Variants in NXPH2 observed in about 807,000 individuals in gnomAD.
The protein encoded by NXPH2 is neurexophilin-2.
Under a neutral mutation model 19.8 loss-of-function variants are expected in NXPH2, and 5 were observed. The ratio of observed to expected loss-of-function variants is 0.25; its 90% CI spans 0.13 to 0.53. The LOEUF is 0.53. Among genes scored for constraint, NXPH2 ranks in the 20% least tolerant of loss-of-function variants. The pLI, the probability that NXPH2 is intolerant of heterozygous loss-of-function variation, is 0.96. For missense variants in NXPH2, 289 were observed against 322.8 expected, an observed-to-expected ratio of 0.90 and a Z score of 0.80; for synonymous variants, 154 against 127.4, an observed-to-expected ratio of 1.21 and a Z score of -1.41.
At chr2:138,773,698 G>A (rs912894335) in intron 1 of NXPH2, among the ~76,000 whole-genome samples, 1 of 152,122 alleles carries the variant, frequency 6.6e-6, no homozygotes, top group Non-Finnish European at 1.5e-5. Flanking sequence ...ATATGATAAA[G>A]CTTGAAAATC....
At chr2:138,753,587 C>A (rs1681858304) in intron 1 of NXPH2, among the ~76,000 whole-genome samples, 2 of 152,144 alleles carry the variant, frequency 1.3e-5, no homozygotes, top group Admixed American at 1.3e-4. Flanking sequence ...TGTATGCTAA[C>A]TTGTAAATAT....
chr2:138,674,037 G>T (rs1289359607), intron 1 of NXPH2, among the ~76,000 whole-genome samples: 4 of 151,696 alleles, frequency 2.6e-5, no homozygotes, highest in Non-Finnish European at 5.9e-5. Flanking sequence ...CAGGCTGGAG[G>T]CATAATCATA....
intron 1 of NXPH2, among the ~76,000 whole-genome samples, chr2:138,699,292 T>A (rs896130867): frequency 6.6e-6 from 1 of 152,116 alleles, no homozygotes; most frequent in Non-Finnish European, 1.5e-5. Context: ...GAAATGAAAG[T>A]GCTGCCCTAT....
chr2:138,750,551 G>C (rs1053891162), intron 1 of NXPH2, among the ~76,000 whole-genome samples: 3 of 152,092 alleles, frequency 2.0e-5, no homozygotes, highest in African/African-American at 7.2e-5. Flanking sequence ...TCATTCATTT[G>C]TCCAGTTATT....
chr2:138,679,869 G>T (rs1289666498), intron 1 of NXPH2, among the ~76,000 whole-genome samples: 1 of 152,064 alleles, frequency 6.6e-6, no homozygotes, highest in African/African-American at 2.4e-5. Context: ...GCCTATACCT[G>T]CAATCACAGG....
At chr2:138,717,033 C>T (rs529932443) in intron 1 of NXPH2, among the ~76,000 whole-genome samples, 1 of 152,202 alleles carries the variant, frequency 6.6e-6, no homozygotes, top group Admixed American at 6.5e-5. Flanking sequence ...AGAAAGAATT[C>T]TTTGGTGTGA....
At chr2:138,762,316 CAAAATTCTTAATA>C (rs58793764) in intron 1 of NXPH2, among the ~76,000 whole-genome samples, 37,333 of 151,808 alleles carry the variant, frequency 0.25, 4,717 homozygotes, top group Admixed American at 0.33. Context: ...TCTAGCATCC[CAAAATTCTTAATA>C]AAAATTCTTA....
chr2:138,706,696 G>C (rs1215573300), intron 1 of NXPH2, among the ~76,000 whole-genome samples: 1 of 152,110 alleles, frequency 6.6e-6, no homozygotes, highest in Non-Finnish European at 1.5e-5. Context: ...AAGATTGCTT[G>C]AAGTCAGGAG....
rs1248579719 is a variant in NXPH2, at chr2:138,669,216, T to C, written c.*1706A>G. Among the ~76,000 whole-genome samples, 7 of 152,276 alleles carry C rather than the reference T, an allele frequency of 4.6e-5. No individual in the cohort carries two copies. The East Asian group carries it at 7.7e-4, about 17-fold the overall frequency. On this transcript the variant is annotated 3_prime_UTR_variant, in exon 2 of 2. Transcript: ENST00000272641. ...ACATAAAATGTGTACACATACTTTC[T>C]CTGTACACAGAAAATTCTAAGTATA...
intron 1 of NXPH2, among the ~76,000 whole-genome samples, chr2:138,679,318 G>A (rs932281279): frequency 2.0e-5 from 3 of 152,012 alleles, no homozygotes; most frequent in African/African-American, 7.2e-5. Flanking sequence ...CTAGGCCAGT[G>A]TTTAGCAAGT....
intron 1 of NXPH2, among the ~76,000 whole-genome samples, chr2:138,754,472 C>T (rs932935317): frequency 8.5e-5 from 13 of 152,122 alleles, no homozygotes; most frequent in Non-Finnish European, 4.4e-5. Flanking sequence ...TTTTACTCAG[C>T]AGTGTGCATT....
chr2:138,680,760 A>T (rs1304551577), intron 1 of NXPH2, among the ~76,000 whole-genome samples: 2 of 152,244 alleles, frequency 1.3e-5, no homozygotes, highest in African/African-American at 4.8e-5. Flanking sequence ...ACTGGCTGAT[A>T]GTTGATAAAC....
chr2:138,771,217 C>A (rs1461764094), intron 1 of NXPH2, among the ~76,000 whole-genome samples: 3 of 151,950 alleles, frequency 2.0e-5, no homozygotes, highest in Non-Finnish European at 4.4e-5. Context: ...TATATTATGG[C>A]ATATCAATGC....
chr2:138,713,186 T>C (rs886100307), intron 1 of NXPH2, among the ~76,000 whole-genome samples: 3 of 152,186 alleles, frequency 2.0e-5, no homozygotes, highest in Non-Finnish European at 2.9e-5. Flanking sequence ...ATGGTTCTTC[T>C]GAGATGGATC....
At chr2:138,693,818 G>C (rs185415967) in intron 1 of NXPH2, among the ~76,000 whole-genome samples, 103 of 152,262 alleles carry the variant, frequency 6.8e-4, no homozygotes, top group African/African-American at 2.3e-3. Flanking sequence ...CTCCACCTAT[G>C]ACAGTGTTAT....
chr2:138,721,077 C>T (rs1050340040), intron 1 of NXPH2, among the ~76,000 whole-genome samples: 2 of 152,068 alleles, frequency 1.3e-5, no homozygotes, highest in African/African-American at 2.4e-5. Context: ...TGTGGTGGCT[C>T]AGGCCTGTAA....
chr2:138,733,434 C>T (rs1681482891), intron 1 of NXPH2, among the ~76,000 whole-genome samples: 1 of 152,138 alleles, frequency 6.6e-6, no homozygotes, highest in South Asian at 2.1e-4. Context: ...ACCAAGTCTT[C>T]AAGTGACTCA....
intron 1 of NXPH2, among the ~76,000 whole-genome samples, chr2:138,776,769 T>C (rs982111125): frequency 1.3e-5 from 2 of 152,084 alleles, no homozygotes; most frequent in African/African-American, 4.8e-5. Context: ...TCAATTCTTG[T>C]AAGTACAGAA....
intron 1 of NXPH2, among the ~76,000 whole-genome samples, chr2:138,734,744 CA>C (rs1398118713): frequency 1.3e-5 from 2 of 152,106 alleles, no homozygotes; most frequent in Non-Finnish European, 2.9e-5. Flanking sequence ...AGTATGAAAC[CA>C]GAATGATTCC....
Sources: gnomAD v4.1 joint callset for allele counts (sites outside exome capture counted in the v4.1 genomes callset) on GRCh38, gnomAD v4.1.1 for gene constraint, MANE v1.5 for transcripts, NCBI Gene and HGNC (gene_info 2026-07-23, HGNC 2026-07-21) for gene names.